GALNTL6: variants seen among roughly 807,000 people sequenced by gnomAD.
GALNTL6 encodes the protein polypeptide N-acetylgalactosaminyltransferase like 6, also known as polypeptide N-acetylgalactosaminyltransferase-like 6.
GALNTL6 carries 46 observed loss-of-function variants against 73.7 expected under a neutral mutation model. The observed-to-expected ratio is 0.62, with a 90% CI of 0.49 to 0.80. The LOEUF (loss-of-function observed/expected upper bound fraction) is 0.80, where lower values mean the gene tolerates loss of function less well. Ranked by LOEUF, GALNTL6 falls within the 30% of genes least tolerant of loss-of-function variation. The pLI, the probability that GALNTL6 is intolerant of heterozygous loss-of-function variation, is 0.00. For synonymous variants in GALNTL6, 259 were observed against 263.7 expected (o/e 0.98, Z 0.17); for missense variants, 604 against 755.0 (o/e 0.80, Z 2.34).
intron 3 of GALNTL6, among the ~76,000 whole-genome samples, chr4:172,276,498 T>G (rs2111069224): frequency 6.6e-6 from 1 of 152,372 alleles, no homozygotes; most frequent in Admixed American, 6.5e-5. Flanking sequence ...TATGATGCCA[T>G]GTTTCTAACC....
At chr4:172,444,334 G>T (rs1398404093) in intron 5 of GALNTL6, among the ~76,000 whole-genome samples, 1 of 152,150 alleles carries the variant, frequency 6.6e-6, no homozygotes, top group Non-Finnish European at 1.5e-5. Flanking sequence ...TAAAAATGAT[G>T]TATTTATTGT....
chr4:173,021,628 A>G lies in GALNTL6; in HGVS notation c.1638+3A>G. The G allele has an allele frequency of 6.2e-7, 1 of 1,613,890 alleles. No homozygotes were observed. The highest frequency in any genetic ancestry group is 8.5e-7 in the Non-Finnish European group (1 of 1,179,850). Reference sequence around the variant, plus strand: ...ACCAGCTCTGGGGATACCGGAAGGTAAGAGTCAGTCCACTGTGGTCATTCT... The same window carrying G: ...ACCAGCTCTGGGGATACCGGAAGGTGAGAGTCAGTCCACTGTGGTCATTCT... On this transcript the variant is annotated splice_donor_region_variant and intron_variant, in intron 12 of 12. Coordinates refer to ENST00000506823, the MANE Select transcript of GALNTL6 (RefSeq NM_001034845.3).
At chr4:171,915,552 T>C (rs1172441443) in intron 2 of GALNTL6, among the ~76,000 whole-genome samples, 7 of 151,438 alleles carry the variant, frequency 4.6e-5, no homozygotes, top group Non-Finnish European at 1.0e-4. Flanking sequence ...GAATTATTTA[T>C]CTGATACTCA....
At chr4:172,860,925 G>A (rs1579577000) in intron 7 of GALNTL6, among the ~76,000 whole-genome samples, 1 of 152,178 alleles carries the variant, frequency 6.6e-6, no homozygotes, top group Non-Finnish European at 1.5e-5. Flanking sequence ...TAAGTGCTAT[G>A]CTTAATAAGT....
chr4:172,563,130 A>G (rs915811691), intron 5 of GALNTL6, among the ~76,000 whole-genome samples: 2 of 152,010 alleles, frequency 1.3e-5, no homozygotes, highest in African/African-American at 4.8e-5. Flanking sequence ...TATACATTCC[A>G]CTCTGCTTTC....
intron 9 of GALNTL6, among the ~76,000 whole-genome samples, chr4:172,933,875 T>C (rs1050012375): frequency 2.0e-5 from 3 of 152,212 alleles, no homozygotes; most frequent in African/African-American, 7.2e-5. Flanking sequence ...TTTCTTACTC[T>C]ACAAAGCTCA....
rs568313867 is a variant in GALNTL6, at chr4:172,881,684, T to TATAA, written c.924-1102_924-1099dup. Among the ~76,000 whole-genome samples, 32 of 152,350 alleles carry TATAA rather than the reference T, an allele frequency of 2.1e-4. No homozygotes were observed. In the East Asian group the frequency reaches 6.2e-3, roughly 29 times the overall value. ...ACATTTGAAATGTTGTACTGTTATT[T>TATAA]ATAAATATCCTTTGTTTCAAAAAAG... On this transcript the variant is annotated intron_variant, in intron 7 of 12. Transcript: ENST00000506823.
intron 2 of GALNTL6, among the ~76,000 whole-genome samples, chr4:172,224,095 G>A (rs1480636342): frequency 6.6e-6 from 1 of 152,048 alleles, no homozygotes; most frequent in East Asian, 1.9e-4. Context: ...AAGGGCAATG[G>A]AAATAACTCA....
intron 5 of GALNTL6, among the ~76,000 whole-genome samples, chr4:172,646,934 C>T (rs1174833869): frequency 2.0e-5 from 3 of 152,036 alleles, no homozygotes; most frequent in South Asian, 2.1e-4. Flanking sequence ...TCAGCATTTA[C>T]TCAAATTAAT....
Position 172,809,854 on chromosome 4 carries a change from A to G in GALNTL6, c.739+308A>G, listed in dbSNP as rs1741191271. ...TAGTCACATTCACTGGGTGAACACT[A>G]AAAGAAAAACGTGTCCCAAAACTCT... On this transcript the variant is annotated intron_variant, in intron 6 of 12. Coordinates refer to ENST00000506823, the MANE Select transcript of GALNTL6 (RefSeq NM_001034845.3). The surrounding 1 kb of genome is among the most constrained non-coding windows in gnomAD (Gnocchi z 4.4). Among the ~76,000 whole-genome samples the G allele has an allele frequency of 6.6e-6, 1 of 152,090 alleles. No homozygotes were observed. The highest frequency in any genetic ancestry group is 3.4e-3 in the Middle Eastern group (1 of 294).
At chr4:172,667,932 TC>T (rs1306262770) in intron 5 of GALNTL6, 2 of 152,174 alleles carry the variant, frequency 1.3e-5, no homozygotes, top group African/African-American at 2.4e-5. Flanking sequence ...CTCAGCATTT[TC>T]CCCCGCATTA....
At chr4:172,752,044 C>CT (rs1737453647) in intron 5 of GALNTL6, among the ~76,000 whole-genome samples, 1 of 83,622 alleles carries the variant, frequency 1.2e-5, no homozygotes, top group Admixed American at 1.6e-4. Context: ...TCAACTTAAA[C>CT]TTAAAAAAAA....
chr4:172,491,773 G>A (rs1275193978), intron 5 of GALNTL6, among the ~76,000 whole-genome samples: 1 of 152,078 alleles, frequency 6.6e-6, no homozygotes, highest in African/African-American at 2.4e-5. Flanking sequence ...ACTATCTTCA[G>A]ATTGTTAAGG....
At chr4:172,137,020 G>A (rs1055133773) in intron 2 of GALNTL6, among the ~76,000 whole-genome samples, 3 of 151,736 alleles carry the variant, frequency 2.0e-5, no homozygotes, top group Non-Finnish European at 4.4e-5. Flanking sequence ...CTTTTTAATG[G>A]ACACAAAATT....
At chr4:172,192,589 G>A (rs904743291) in intron 2 of GALNTL6, among the ~76,000 whole-genome samples, 1 of 152,122 alleles carries the variant, frequency 6.6e-6, no homozygotes, top group Non-Finnish European at 1.5e-5. Flanking sequence ...AAAGGGAGCT[G>A]CCACCCCCAG....
At chr4:172,303,358 A>G (rs986878514) in intron 3 of GALNTL6, among the ~76,000 whole-genome samples, 5 of 152,284 alleles carry the variant, frequency 3.3e-5, no homozygotes, top group Non-Finnish European at 5.9e-5. Flanking sequence ...ATTAAGATGT[A>G]CTACTTCCAG....
intron 3 of GALNTL6, among the ~76,000 whole-genome samples, chr4:172,233,426 C>T (rs1338354583): frequency 6.6e-6 from 1 of 151,974 alleles, no homozygotes; most frequent in Non-Finnish European, 1.5e-5. Context: ...GTCTTAGATC[C>T]ACCTAGTCTT....
chr4:172,266,037 C>A (rs1246081942), intron 3 of GALNTL6: 1 of 152,086 alleles, frequency 6.6e-6, no homozygotes, highest in Non-Finnish European at 1.5e-5. Context: ...TGAAAAACTG[C>A]GTACTGCTCC....
At chr4:172,405,747 A>G (rs578046810) in intron 5 of GALNTL6, among the ~76,000 whole-genome samples, 24 of 151,500 alleles carry the variant, frequency 1.6e-4, no homozygotes, top group East Asian at 1.4e-3. Context: ...CTGCTCATCA[A>G]TCTCTTCCTT....
Sources: allele counts gnomAD v4.1 joint callset (sites outside exome capture counted in the v4.1 genomes callset), GRCh38; gene constraint gnomAD v4.1.1; non-coding constraint Gnocchi (gnomAD v3.1); transcripts MANE v1.5; gene names NCBI Gene and HGNC (gene_info 2026-07-23, HGNC 2026-07-21).